RABGAP1L: variants seen among roughly 807,000 people sequenced by gnomAD.
The protein encoded by RABGAP1L is rab GTPase-activating protein 1-like.
Under a neutral mutation model 137.7 loss-of-function variants are expected in RABGAP1L, and 63 were observed. The observed-to-expected ratio is 0.46, with a 90% confidence interval of 0.37 to 0.56. RABGAP1L has a LOEUF of 0.56. Ranked by LOEUF, RABGAP1L falls within the 20% of genes least tolerant of loss-of-function variation. The probability of loss-of-function intolerance (pLI) is 0.00; values close to 1 mark genes in which losing one functional copy is unlikely to be tolerated. For missense variants in RABGAP1L, 1,095 were observed against 1,244.0 expected (o/e 0.88, Z 1.80); for synonymous variants, 431 against 433.7 (o/e 0.99, Z 0.08).
intron 10 of RABGAP1L, among the ~76,000 whole-genome samples, chr1:174,296,061 A>G (rs574431161): frequency 2.8e-4 from 43 of 152,214 alleles, no homozygotes; most frequent in Non-Finnish European, 5.9e-4. Flanking sequence ...AAATAAATAT[A>G]GAAGGATAAC....
At chr1:174,838,459 T>C (rs1027987398) in intron 19 of RABGAP1L, among the ~76,000 whole-genome samples, 6 of 152,206 alleles carry the variant, frequency 3.9e-5, no homozygotes, top group Non-Finnish European at 5.9e-5. Context: ...ACCTAAAGCA[T>C]TCAGGTAGCT....
intron 13 of RABGAP1L, among the ~76,000 whole-genome samples, chr1:174,411,147 T>C (rs1189822882): frequency 1.3e-5 from 2 of 152,164 alleles, no homozygotes; most frequent in Non-Finnish European, 2.9e-5. Flanking sequence ...TGGCAGAGTC[T>C]TTAGGGTTTT....
Position 174,990,007 on chromosome 1 carries a change from G to T in RABGAP1L, c.*6G>T. ...CACCCAAGGAGAGCACATAGTTCCAGCCTTACCCAAGCACAAGAGCACAAT... is the reference window on the plus strand; with the variant it reads ...CACCCAAGGAGAGCACATAGTTCCATCCTTACCCAAGCACAAGAGCACAAT... On this transcript the variant is annotated 3_prime_UTR_variant, in exon 26 of 26. Transcript: ENST00000681986. 6.5e-7 allele frequency: 1 copy of T among 1,533,888 alleles called. No individual in the cohort carries two copies.
rs895560151 is a variant in RABGAP1L, at chr1:174,508,267, C to T, written c.1710+114122C>T. On this transcript the variant is annotated intron_variant, in intron 13 of 25. Coordinates refer to ENST00000681986, the MANE Select transcript of RABGAP1L (RefSeq NM_001366446.1). ...ACTCATTGTTATTTTTTCTATTTTC[C>T]ACCATCCTGTGAGAGAACATCTTTT... Among the ~76,000 whole-genome samples, 9 of 152,152 alleles carry T rather than the reference C, an allele frequency of 5.9e-5. 1 individual carries two copies. The highest frequency in any genetic ancestry group is 6.8e-3 in the Middle Eastern group (2 of 294).
chr1:174,791,888 G>A (rs182737756), intron 18 of RABGAP1L, among the ~76,000 whole-genome samples: 26 of 152,292 alleles, frequency 1.7e-4, no homozygotes, highest in African/African-American at 6.0e-4. Context: ...ACAGTTCTCA[G>A]GGCAGACTTG....
chr1:174,423,768 A>G (rs375419093), intron 13 of RABGAP1L, among the ~76,000 whole-genome samples: 3 of 152,066 alleles, frequency 2.0e-5, no homozygotes, highest in African/African-American at 2.4e-5. Flanking sequence ...TGTAAAAGCT[A>G]TATTCTATCT....
chr1:174,443,693 C>G (rs1654410513), intron 13 of RABGAP1L, among the ~76,000 whole-genome samples: 1 of 151,900 alleles, frequency 6.6e-6, no homozygotes, highest in African/African-American at 2.4e-5. Context: ...TAATATCATC[C>G]TGTTTGTCTA....
chr1:174,514,452 A>C lies in RABGAP1L; in HGVS notation c.1710+120307A>C, dbSNP rs114198600. On this transcript the variant is annotated intron_variant, in intron 13 of 25. Transcript: ENST00000681986. ...AGTTATGTATCAGTTAAAGACCATG[A>C]GATAGAGGAGGGTAATCTGCTGTAA... Among the ~76,000 whole-genome samples the C allele has an allele frequency of 9.5e-3, 1,443 of 152,226 alleles. 25 individuals carry two copies. The highest frequency in any genetic ancestry group is 0.033 in the African/African-American group (1,384 of 41,534).
chr1:174,642,747 C>T (rs1202549511), intron 14 of RABGAP1L, among the ~76,000 whole-genome samples: 1 of 132,594 alleles, frequency 7.5e-6, no homozygotes, highest in Non-Finnish European at 1.6e-5. Flanking sequence ...CTCTCCCCCT[C>T]TCCCCTTCTT....
chr1:174,686,243 C>T (rs1007234243), intron 15 of RABGAP1L, among the ~76,000 whole-genome samples: 2 of 152,104 alleles, frequency 1.3e-5, no homozygotes, highest in African/African-American at 4.8e-5. Flanking sequence ...ATTCTGAAAA[C>T]CTGATTTTAA....
intron 18 of RABGAP1L, among the ~76,000 whole-genome samples, chr1:174,779,084 A>G (rs553565353): frequency 7.9e-5 from 12 of 152,330 alleles, no homozygotes; most frequent in African/African-American, 1.7e-4. Flanking sequence ...CCCATAGACT[A>G]TGATTGCACA....
chr1:174,215,686 G>T (rs570480095), intron 1 of RABGAP1L, among the ~76,000 whole-genome samples: 1 of 152,276 alleles, frequency 6.6e-6, no homozygotes, highest in East Asian at 1.9e-4. Flanking sequence ...TGCTAGTGAG[G>T]ATGTGGAGAA....
rs1164289432 is a variant in RABGAP1L at position 174,231,249 on chromosome 1, C to T, written c.436C>T (p.Arg146Cys). The T allele has an allele frequency of 2.0e-5, 32 of 1,613,764 alleles. No individual in the cohort carries two copies. Among genetic ancestry groups the T allele is most frequent in the East Asian group, 2.2e-5 (1 of 44,878 alleles). The change falls in exon 4 of 26, where the codon CGT becomes TGT. Residue 146 changes from arginine to cysteine, a missense_variant. Arg to Cys is a radical substitution (Grantham distance 180, BLOSUM62 -3). Transcript: ENST00000681986. Reference sequence around the variant, plus strand: ...AGGATGTATGAAGGTTTCTTCCCCACGTAATGAAGTAGAGGCTTTACGGGC... The same window carrying T: ...AGGATGTATGAAGGTTTCTTCCCCATGTAATGAAGTAGAGGCTTTACGGGC... ...YLGCMKVSSPRNEVEALRAMA... is the reference protein window; with the variant it reads ...YLGCMKVSSPCNEVEALRAMA...
At chr1:174,590,120 T>G (rs1487813616) in intron 13 of RABGAP1L, among the ~76,000 whole-genome samples, 1 of 97,482 alleles carries the variant, frequency 1.0e-5, no homozygotes, top group Non-Finnish European at 2.0e-5. Context: ...ACCTCTTCAG[T>G]TTCTTTTTTT....
At chr1:174,170,999 A>G (rs912590491) in intron 1 of RABGAP1L, among the ~76,000 whole-genome samples, 1 of 152,262 alleles carries the variant, frequency 6.6e-6, no homozygotes, top group South Asian at 2.1e-4. Context: ...AAAGTTATCT[A>G]TAAAGACATA....
intron 1 of RABGAP1L, among the ~76,000 whole-genome samples, chr1:174,172,760 C>T (rs1417890913): frequency 2.6e-5 from 4 of 152,048 alleles, no homozygotes; most frequent in African/African-American, 7.2e-5. Flanking sequence ...GGATATTAAC[C>T]CTTTACCAGA....
At chr1:174,742,315 C>T (rs1558036971) in intron 17 of RABGAP1L, among the ~76,000 whole-genome samples, 1 of 151,760 alleles carries the variant, frequency 6.6e-6, no homozygotes, top group East Asian at 1.9e-4. Flanking sequence ...GTCAGGAGTT[C>T]GAGACCAGCC....
chr1:174,196,375 C>T (rs1667690761), intron 1 of RABGAP1L, among the ~76,000 whole-genome samples: 1 of 151,892 alleles, frequency 6.6e-6, no homozygotes, highest in South Asian at 2.1e-4. Flanking sequence ...AGGTGCCCGC[C>T]ACCACGCCTG....
At chr1:174,837,073 G>T (rs1232176934) in intron 19 of RABGAP1L, among the ~76,000 whole-genome samples, 3 of 152,168 alleles carry the variant, frequency 2.0e-5, no homozygotes, top group Non-Finnish European at 4.4e-5. Context: ...TGGGCGTGGT[G>T]GCGCATGCCT....
Sources: allele counts gnomAD v4.1 joint callset (sites outside exome capture counted in the v4.1 genomes callset), GRCh38; gene constraint gnomAD v4.1.1; transcripts MANE v1.5; gene names NCBI Gene and HGNC (gene_info 2026-07-23, HGNC 2026-07-21).